Variants in DIAPH3 observed in about 807,000 individuals in gnomAD.
DIAPH3 encodes the protein diaphanous related formin 3.
A neutral mutation model predicts 144.3 loss-of-function variants in DIAPH3; 117 were observed. The observed-to-expected ratio is 0.81, with a 90% CI of 0.70 to 0.95. DIAPH3 has a LOEUF of 0.95. Ranked by LOEUF, DIAPH3 falls within the 40% of genes least tolerant of loss-of-function variation. The probability of loss-of-function intolerance (pLI) is 0.00; values close to 1 mark genes in which losing one functional copy is unlikely to be tolerated. For missense variants in DIAPH3, 1,421 were observed against 1,412.7 expected, an observed-to-expected ratio of 1.01 and a Z score of -0.09; for synonymous variants, 519 against 488.9, an observed-to-expected ratio of 1.06 and a Z score of -0.81.
chr13:60,138,785 G>GAGGGAAGAGGGGAGA (rs1555383954), intron 1 of DIAPH3, among the ~76,000 whole-genome samples: 1 of 76,028 alleles, frequency 1.3e-5, no homozygotes, highest in Non-Finnish European at 2.8e-5. Flanking sequence ...AGGAGAAGAA[G>GAGGGAAGAGGGGAGA]GGGAAGAGGG....
At chr13:59,791,478 T>G (rs1477151488) in intron 25 of DIAPH3, among the ~76,000 whole-genome samples, 1 of 152,136 alleles carries the variant, frequency 6.6e-6, no homozygotes, top group Non-Finnish European at 1.5e-5. Context: ...GTTAGGGAAC[T>G]TGGAGCTCAA....
rs541371785 is a variant in DIAPH3, at chr13:59,908,234, G to T, written c.2367+3501C>A. 2.4e-4 allele frequency among the ~76,000 whole-genome samples: 36 copies of T among 151,786 alleles called. No individual in the cohort carries two copies. In the South Asian group the frequency reaches 7.5e-3, roughly 32 times the overall value. On this transcript the variant is annotated intron_variant, in intron 20 of 27. Coordinates refer to ENST00000400324, the MANE Select transcript of DIAPH3 (RefSeq NM_001042517.2). The stretch of plus-strand genomic sequence containing the variant: ...AAATACAAAAAGTTGGCTGGGCTTG[G>T]TGTTGTGCACCAAGCTGTAGTTCCA...
At chr13:60,032,877 T>C (rs1380380288) in intron 5 of DIAPH3, among the ~76,000 whole-genome samples, 1 of 152,224 alleles carries the variant, frequency 6.6e-6, no homozygotes, top group Non-Finnish European at 1.5e-5. Flanking sequence ...TTTCCAAACC[T>C]TTATGCTCTT....
At position 59,806,236 on chromosome 13, in the gene DIAPH3, CCA is replaced by C. The variant is rs1361662033; in HGVS notation, c.3163+4550_3163+4551del. ...AATGTAAATTCAATAATTCACCCTT[CCA>C]CATTCTTTTAAGGCTGAGAAAGTCG... On this transcript the variant is annotated intron_variant, in intron 25 of 27. Transcript: ENST00000400324. 2.6e-5 allele frequency among the ~76,000 whole-genome samples: 4 copies of C among 152,102 alleles called. No homozygotes were observed. The East Asian group carries it at 7.7e-4, about 29-fold the overall frequency.
chr13:60,116,466 C>T (rs2058706522), intron 2 of DIAPH3, among the ~76,000 whole-genome samples: 1 of 151,944 alleles, frequency 6.6e-6, no homozygotes, highest in Admixed American at 6.6e-5. Context: ...ACCAAAAAAA[C>T]TGTTTTAGGA....
At chr13:59,897,624 T>G (rs9570227) in intron 20 of DIAPH3, among the ~76,000 whole-genome samples, 6,359 of 151,692 alleles carry the variant, frequency 0.042, 307 homozygotes, top group East Asian at 0.28. Flanking sequence ...GGCGTGCACC[T>G]GTAATTGCAG....
At chr13:60,111,422 G>A (rs1469439140) in intron 3 of DIAPH3, among the ~76,000 whole-genome samples, 1 of 152,202 alleles carries the variant, frequency 6.6e-6, no homozygotes, top group Non-Finnish European at 1.5e-5. Context: ...ACATGGACTG[G>A]ACTCAGACCA....
intron 27 of DIAPH3, among the ~76,000 whole-genome samples, chr13:59,765,708 A>ATT (rs35328969): frequency 0.039 from 5,839 of 151,586 alleles, 377 homozygotes; most frequent in African/African-American, 0.13. Flanking sequence ...AACTACTGCT[A>ATT]TTTTTTTTTA....
intron 17 of DIAPH3, among the ~76,000 whole-genome samples, chr13:59,957,314 A>C (rs975333964): frequency 2.0e-5 from 3 of 152,136 alleles, no homozygotes; most frequent in Non-Finnish European, 4.4e-5. Context: ...TAATTTAATC[A>C]TGGGGGTGGG....
At chr13:59,916,510 T>C (rs1394315497) in intron 18 of DIAPH3, among the ~76,000 whole-genome samples, 1 of 152,112 alleles carries the variant, frequency 6.6e-6, no homozygotes, top group Non-Finnish European at 1.5e-5. Flanking sequence ...TGCTCAGTTA[T>C]TTATCTACCA....
chr13:60,015,190 C>T (rs539905144), intron 7 of DIAPH3, among the ~76,000 whole-genome samples: 1 of 152,120 alleles, frequency 6.6e-6, no homozygotes, highest in South Asian at 2.1e-4. Context: ...GAGATGGCGT[C>T]TCACTATGTT....
intron 27 of DIAPH3, among the ~76,000 whole-genome samples, chr13:59,745,279 T>G (rs1384116853): frequency 6.6e-6 from 1 of 152,214 alleles, no homozygotes; most frequent in Non-Finnish European, 1.5e-5. Flanking sequence ...GTGTGAATAC[T>G]GAATTGTTTA....
chr13:59,983,142 A>AT (rs2051131988), intron 13 of DIAPH3, among the ~76,000 whole-genome samples: 2 of 149,310 alleles, frequency 1.3e-5, no homozygotes, highest in Admixed American at 1.3e-4. Flanking sequence ...TTATCTTTAA[A>AT]AAAAAAAAAA....
intron 22 of DIAPH3, among the ~76,000 whole-genome samples, chr13:59,850,529 AG>A (rs1259079074): frequency 2.7e-5 from 4 of 150,486 alleles, no homozygotes; most frequent in South Asian, 2.1e-4. Flanking sequence ...TTTAGCATGA[AG>A]GGTTGTTGAA....
intron 20 of DIAPH3, among the ~76,000 whole-genome samples, chr13:59,910,399 A>C (rs533259876): frequency 1.3e-5 from 2 of 152,218 alleles, no homozygotes; most frequent in African/African-American, 2.4e-5. Flanking sequence ...AAAAGTAAAA[A>C]CTTTTTTTGT....
At chr13:59,681,435 C>G (rs2032940432) in intron 27 of DIAPH3, among the ~76,000 whole-genome samples, 1 of 152,120 alleles carries the variant, frequency 6.6e-6, no homozygotes, top group South Asian at 2.1e-4. Context: ...CATGACTGCA[C>G]CACTGCACTC....
At chr13:59,753,771 A>T (rs1051322897) in intron 27 of DIAPH3, among the ~76,000 whole-genome samples, 1 of 152,354 alleles carries the variant, frequency 6.6e-6, no homozygotes, top group African/African-American at 2.4e-5. Context: ...TATTAAGATC[A>T]AACAAAATAT....
At chr13:60,129,190 C>T (rs753934518) in intron 2 of DIAPH3, among the ~76,000 whole-genome samples, 1 of 152,186 alleles carries the variant, frequency 6.6e-6, no homozygotes, top group African/African-American at 2.4e-5. Flanking sequence ...CATTCAATGT[C>T]TTCCAACTTA....
intron 17 of DIAPH3, among the ~76,000 whole-genome samples, chr13:59,939,138 A>C (rs1594061062): frequency 6.6e-6 from 1 of 152,190 alleles, no homozygotes; most frequent in East Asian, 1.9e-4. Flanking sequence ...AATCAGACCA[A>C]ACTGGGATCA....
Sources: gnomAD v4.1 joint callset for allele counts (sites outside exome capture counted in the v4.1 genomes callset) on GRCh38, gnomAD v4.1.1 for gene constraint, MANE v1.5 for transcripts, NCBI Gene and HGNC (gene_info 2026-07-23, HGNC 2026-07-21) for gene names.